UPF2: variants seen among roughly 807,000 people sequenced by gnomAD.
UPF2 encodes the protein regulator of nonsense transcripts 2.
A neutral mutation model predicts 141.4 loss-of-function variants in UPF2; 17 were observed. The observed-to-expected ratio is 0.12, with a 90% CI of 0.08 to 0.18. UPF2 has a LOEUF of 0.18. UPF2 is among the 10% of genes least tolerant of loss of function. UPF2 has a pLI of 1.00. For synonymous variants in UPF2, 540 were observed against 498.0 expected, an observed-to-expected ratio of 1.08 and a Z score of -1.12; for missense variants, 1,152 against 1,515.9, an observed-to-expected ratio of 0.76 and a Z score of 3.99.
intron 2 of UPF2, among the ~76,000 whole-genome samples, chr10:12,031,524 A>G (rs1834524191): frequency 1.3e-5 from 2 of 152,238 alleles, no homozygotes; most frequent in Admixed American, 1.3e-4. Flanking sequence ...AAAACACATA[A>G]CTTAAATCTC....
intron 11 of UPF2, among the ~76,000 whole-genome samples, 155 bp downstream of exon 11, chr10:11,963,854 A>T (rs1419697320): frequency 6.6e-6 from 1 of 152,208 alleles, no homozygotes; most frequent in Non-Finnish European, 1.5e-5. Context: ...CTCTCCAGGG[A>T]TTGCAACTCA....
rs975913742 is a variant in UPF2, at chr10:11,980,924, T to A, written c.1845-1759A>T. ...AAAGGTATGGTTAGGCTGGGCATGGTGGTCAATAATCCCAGCACTTTGGCA... is the reference window on the plus strand; with the variant it reads ...AAAGGTATGGTTAGGCTGGGCATGGAGGTCAATAATCCCAGCACTTTGGCA... On this transcript the variant is annotated intron_variant, in intron 8 of 21. Coordinates refer to ENST00000357604, the MANE Select transcript of UPF2 (RefSeq NM_015542.4). The surrounding 1 kb of genome is among the most constrained non-coding windows in gnomAD (Gnocchi z 4.2). Among the ~76,000 whole-genome samples the A allele has an allele frequency of 2.6e-5, 4 of 151,772 alleles. No homozygotes were observed. The highest frequency in any genetic ancestry group is 9.7e-5 in the African/African-American group (4 of 41,334).
At position 11,920,496 on chromosome 10, in the gene UPF2, ACGGGCATGTT is replaced by A. The variant is rs1190915962; in HGVS notation, c.*792_*801del. On this transcript the variant is annotated 3_prime_UTR_variant, in exon 22 of 22. Coordinates refer to ENST00000357604, the MANE Select transcript of UPF2 (RefSeq NM_015542.4). The stretch of plus-strand genomic sequence containing the variant: ...TTCGTTCGTTTTCTGTGACATGTTG[ACGGGCATGTT>A]TTGTTTTCAATGATACTTACAATGG... 2 of 152,892 alleles carry A rather than the reference ACGGGCATGTT, an allele frequency of 1.3e-5. No homozygotes were observed. Among genetic ancestry groups the A allele is most frequent in the African/African-American group, 4.8e-5 (2 of 41,454 alleles). The allele number at this position is 152,892 out of a possible 1,614,324, so 9.5% of individuals were successfully genotyped here.
chr10:11,971,360 T>C (rs1338747331), intron 9 of UPF2, among the ~76,000 whole-genome samples: 1 of 152,114 alleles, frequency 6.6e-6, no homozygotes, highest in East Asian at 1.9e-4. Flanking sequence ...GTTCAAGTGA[T>C]TCTCCTGCCT....
At position 11,935,982 on chromosome 10, in the gene UPF2, C is replaced by T. The variant is rs1344192828; in HGVS notation, c.3546+563G>A. Among the ~76,000 whole-genome samples the T allele has an allele frequency of 1.3e-5, 2 of 152,192 alleles. No homozygotes were observed. The highest frequency in any genetic ancestry group is 6.5e-5 in the Admixed American group (1 of 15,288). On this transcript the variant is annotated intron_variant, in intron 19 of 21. Transcript: ENST00000357604. The surrounding 1 kb of genome is among the most constrained non-coding windows in gnomAD (Gnocchi z 4.9). ...GCCTCTTCCTGAGCTGCATCGGTTG[C>T]CATCCTCCTTTCCTTCCCCGCCTGG...
At chr10:11,985,595 T>C (rs1159158401) in intron 8 of UPF2, among the ~76,000 whole-genome samples, 3 of 140,680 alleles carry the variant, frequency 2.1e-5, no homozygotes, top group Non-Finnish European at 3.0e-5. Context: ...CACTCCAGCC[T>C]GGGCGACACA....
At chr10:11,925,744 G>A (rs1427874622) in intron 21 of UPF2, among the ~76,000 whole-genome samples, 1 of 152,232 alleles carries the variant, frequency 6.6e-6, no homozygotes, top group Non-Finnish European at 1.5e-5. Flanking sequence ...GCTGGAGACT[G>A]TTCCACACAG....
chr10:11,994,094 AAATT>A (rs1435995926), intron 8 of UPF2, among the ~76,000 whole-genome samples: 2 of 152,174 alleles, frequency 1.3e-5, no homozygotes, highest in Non-Finnish European at 2.9e-5. Flanking sequence ...CCAAAAGAAG[AAATT>A]AATAAAGAAC....
chr10:11,921,429 G>A lies in UPF2; in HGVS notation c.3810-122C>T, dbSNP rs546897286. ...CTCCCCCAAGTTACAGGTGGCCCTGGCATCTGCGGGTTCCACATCCATGGA... is the reference window on the plus strand; with the variant it reads ...CTCCCCCAAGTTACAGGTGGCCCTGACATCTGCGGGTTCCACATCCATGGA... On this transcript the variant is annotated intron_variant, in intron 21 of 21. Transcript: ENST00000357604. This position sits in a 1 kb window ranked among gnomAD's most constrained non-coding sequence, Gnocchi z 5.9. 10 of 1,202,110 alleles carry A rather than the reference G, an allele frequency of 8.3e-6. No homozygotes were observed. In the South Asian group the frequency reaches 1.2e-4, roughly 14 times the overall value. 74.5% of individuals were successfully genotyped at this position (1,202,110 alleles called of 1,614,324 possible). A position where few individuals can be genotyped will look rare whatever the true frequency, so the allele number is the denominator to read the frequency against.
intron 2 of UPF2, 124 bp from the exon 3 acceptor site, chr10:12,029,648 A>G: frequency 9.0e-7 from 1 of 1,110,884 alleles, no homozygotes; most frequent in Non-Finnish European, 1.2e-6. Flanking sequence ...AAGATTCAAA[A>G]GGCCTTTCAC....
intron 21 of UPF2, among the ~76,000 whole-genome samples, chr10:11,925,446 C>T (rs574526883): frequency 6.6e-6 from 1 of 152,236 alleles, no homozygotes; most frequent in Non-Finnish European, 1.5e-5. Context: ...AGTGACTGAA[C>T]ACAGACTGTG....
Position 12,028,907 on chromosome 10 carries a change from T to C in UPF2, c.983A>G (p.Lys328Arg). The C allele has an allele frequency of 6.2e-7, 1 of 1,614,162 alleles. No homozygotes were observed. Among genetic ancestry groups the C allele is most frequent in the Non-Finnish European group, 8.5e-7 (1 of 1,180,030 alleles). ...DIAGLVPRKV[K>R]SAAEKFNLSF... Reference sequence around the variant, plus strand: ...CAAATTAAACTTCTCTGCAGCACTCTTTACTTTCCTTGGTACAAGTCCAGC... The same window carrying C: ...CAAATTAAACTTCTCTGCAGCACTCCTTACTTTCCTTGGTACAAGTCCAGC... Residue 328 changes from lysine to arginine, a missense_variant, in exon 3 of 22, where the codon AAG (lysine) becomes AGG (arginine). By Grantham distance (26) the Lys-to-Arg change is conservative (BLOSUM62 2). Transcript: ENST00000357604.
Position 11,940,486 on chromosome 10 carries a change from T to G in UPF2, c.3378+2179A>C, listed in dbSNP as rs1832923414. On this transcript the variant is annotated intron_variant, in intron 18 of 21. Transcript: ENST00000357604. The surrounding 1 kb of genome is among the most constrained non-coding windows in gnomAD (Gnocchi z 4.2). ...CCTTCTGATCTCCATACATTTCCAC[T>G]TGGACACCTCAAAGGCTTCTCAAGT... 6.6e-6 allele frequency among the ~76,000 whole-genome samples: 1 copy of G among 152,176 alleles called. No homozygotes were observed. Among genetic ancestry groups the G allele is most frequent in the African/African-American group, 2.4e-5 (1 of 41,450 alleles).
intron 5 of UPF2, among the ~76,000 whole-genome samples, chr10:12,002,601 G>A (rs1360056826): frequency 6.6e-6 from 1 of 152,162 alleles, no homozygotes; most frequent in Non-Finnish European, 1.5e-5. Flanking sequence ...GAAAAGGGTA[G>A]ATGTAGAAAG....
chr10:11,921,484 AC>A lies in UPF2; in HGVS notation c.3810-178del, dbSNP rs1832644240. Among the ~76,000 whole-genome samples, 1 of 152,236 alleles carries A rather than the reference AC, an allele frequency of 6.6e-6. No individual in the cohort carries two copies. The highest frequency in any genetic ancestry group is 2.4e-5 in the African/African-American group (1 of 41,464). On this transcript the variant is annotated intron_variant, in intron 21 of 21. Transcript: ENST00000357604. The surrounding 1 kb of genome is among the most constrained non-coding windows in gnomAD (Gnocchi z 5.9). The stretch of plus-strand genomic sequence containing the variant: ...AAATATTCGGGGGAAAAAAACCCAA[AC>A]AATAAAAAATAACATAAATATTAAA...
chr10:12,009,608 C>T (rs756945795), intron 4 of UPF2, among the ~76,000 whole-genome samples: 7 of 152,120 alleles, frequency 4.6e-5, no homozygotes, highest in Non-Finnish European at 8.8e-5. Context: ...AGGGAGCAGA[C>T]GAAAAACTCA....
At position 11,979,308 on chromosome 10, in the gene UPF2, A is replaced by G. The variant is rs921887508; in HGVS notation, c.1845-143T>C. ...ACAGACATGCCTATTTATTGCCATC[A>G]TAAAGAAGTGTTTGAAAATTCAATG... On this transcript the variant is annotated intron_variant, in intron 8 of 21. Coordinates refer to ENST00000357604, the MANE Select transcript of UPF2 (RefSeq NM_015542.4). This position sits in a 1 kb window ranked among gnomAD's most constrained non-coding sequence, Gnocchi z 6.2. 1.1e-5 allele frequency: 6 copies of G among 534,786 alleles called. No homozygotes were observed. The highest frequency in any genetic ancestry group is 1.9e-5 in the African/African-American group (1 of 53,334). 33.1% of individuals were successfully genotyped at this position (534,786 alleles called of 1,614,324 possible). A position where few individuals can be genotyped will look rare whatever the true frequency, so the allele number is the denominator to read the frequency against.
At chr10:11,926,176 T>C (rs929349884) in intron 21 of UPF2, among the ~76,000 whole-genome samples, 9 of 152,094 alleles carry the variant, frequency 5.9e-5, no homozygotes, top group African/African-American at 2.2e-4. Context: ...ATGAACTACA[T>C]TTAGGGATTG....
At chr10:11,983,185 C>T (rs951119207) in intron 8 of UPF2, among the ~76,000 whole-genome samples, 3 of 152,172 alleles carry the variant, frequency 2.0e-5, no homozygotes, top group Admixed American at 6.5e-5. Context: ...AAGGAAGTAG[C>T]ATCTTATTGT....
Sources: allele counts gnomAD v4.1 joint callset (sites outside exome capture counted in the v4.1 genomes callset), GRCh38; gene constraint gnomAD v4.1.1; non-coding constraint Gnocchi (gnomAD v3.1); transcripts MANE v1.5; gene names NCBI Gene and HGNC (gene_info 2026-07-23, HGNC 2026-07-21).